Variants in CNTRL observed in about 807,000 individuals in gnomAD.
The protein encoded by CNTRL is centriolin.
Under a neutral mutation model 303.7 loss-of-function variants are expected in CNTRL, and 233 were observed. The ratio of observed to expected loss-of-function variants is 0.77; its 90% CI spans 0.69 to 0.86. The LOEUF (loss-of-function observed/expected upper bound fraction) is 0.86. Among genes scored for constraint, CNTRL ranks in the 40% least tolerant of loss-of-function variants. The probability of loss-of-function intolerance (pLI) is 0.00; values close to 1 mark genes in which losing one functional copy is unlikely to be tolerated. For synonymous variants in CNTRL, 900 were observed against 922.2 expected (o/e 0.98, Z 0.44); for missense variants, 2,524 against 2,650.6 (o/e 0.95, Z 1.05).
At chr9:121,133,254 C>G (rs572643004) in intron 14 of CNTRL, among the ~76,000 whole-genome samples, 1 of 152,368 alleles carries the variant, frequency 6.6e-6, no homozygotes, top group Admixed American at 6.5e-5. Flanking sequence ...AAGGTGGAGT[C>G]TACATGTAGA....
At chr9:121,162,921 A>C (rs1590344) in intron 34 of CNTRL, among the ~76,000 whole-genome samples, 132,413 of 152,158 alleles carry the variant, frequency 0.87, 57,754 homozygotes, top group East Asian at 0.96. Flanking sequence ...GATAAAGATA[A>C]AAAGGCATCT....
intron 12 of CNTRL, 121 bp downstream of exon 12, chr9:121,118,661 G>A: frequency 1.4e-6 from 1 of 727,224 alleles, no homozygotes; most frequent in Non-Finnish European, 2.1e-6. Context: ...AAATTTAAGT[G>A]ATATATACAT....
intron 26 of CNTRL, among the ~76,000 whole-genome samples, chr9:121,154,503 T>C (rs531873768): frequency 6.6e-6 from 1 of 152,384 alleles, no homozygotes. Context: ...CAATTCCATG[T>C]CATGCATTTT....
In CNTRL at chr9:121,125,884, A is replaced by T; in HGVS notation, c.1973A>T (p.Gln658Leu). ...TTGCAGAGATTGACAGAAGTCGAGC[A>T]GGAGAGAGACCAGCTGGAAATAGTT... is the stretch of plus-strand genomic sequence containing the variant. ...TLLQRLTEVE[Q>L]ERDQLEIVAM... is the part of the protein sequence containing the mutation. The change falls in exon 14 of 44, where the codon CAG becomes CTG. Residue 658 changes from glutamine to leucine, a missense_variant. Gln to Leu is a moderately radical substitution (Grantham distance 113). Transcript: ENST00000373855. The T allele has an allele frequency of 1.2e-6, 2 of 1,614,230 alleles. No homozygotes were observed. Among genetic ancestry groups the T allele is most frequent in the Non-Finnish European group, 1.7e-6 (2 of 1,180,026 alleles).
chr9:121,118,924 T>A lies in CNTRL; in HGVS notation c.1650+384T>A, dbSNP rs576682491. ...GTCCATAGGTTAAATACAAATATTA[T>A]GCTATTTTATAGAAGGGACTTGAGC... is the stretch of plus-strand genomic sequence containing the variant. On this transcript the variant is annotated intron_variant, in intron 12 of 43. Transcript: ENST00000373855. Among the ~76,000 whole-genome samples the A allele has an allele frequency of 3.3e-5, 5 of 152,326 alleles. No homozygotes were observed. In the South Asian group the frequency reaches 1.0e-3, roughly 32 times the overall value.
rs2051446375 is a variant in CNTRL at position 121,140,532 on chromosome 9, G to A, written c.2338-109G>A. ...TTTAGAAATTTCTTTTTACTTGAAA[G>A]AGGCATTGTCTGAATTTAGTTCTGT... On this transcript the variant is annotated intron_variant, in intron 16 of 43. Transcript: ENST00000373855. 8 of 907,658 alleles carry A rather than the reference G, an allele frequency of 8.8e-6. No individual in the cohort carries two copies. The East Asian group carries it at 2.4e-4, about 27-fold the overall frequency. 56.2% of individuals were successfully genotyped at this position (907,658 alleles called of 1,614,324 possible). A position where few individuals can be genotyped will look rare whatever the true frequency, so the allele number is the denominator to read the frequency against.
At chr9:121,161,381 CTG>C (rs1233902651) in intron 32 of CNTRL, 2 of 390,876 alleles carry the variant, frequency 5.1e-6, no homozygotes, top group Non-Finnish European at 9.4e-6. Flanking sequence ...AAATCTCAGT[CTG>C]TATTTCAAAG....
rs1202009518 is a variant in CNTRL at position 121,075,003 on chromosome 9, GA to G, written c.-266del. 11 of 455,032 alleles carry G rather than the reference GA, an allele frequency of 2.4e-5. No homozygotes were observed. Among genetic ancestry groups the G allele is most frequent in the Admixed American group, 4.7e-5 (2 of 42,502 alleles). 28.2% of individuals were successfully genotyped at this position (455,032 alleles called of 1,614,324 possible). A position where few individuals can be genotyped will look rare whatever the true frequency, so the allele number is the denominator to read the frequency against. On this transcript the variant is annotated 5_prime_UTR_variant, in exon 1 of 44. Coordinates refer to ENST00000373855, the MANE Select transcript of CNTRL (RefSeq NM_007018.6). The stretch of plus-strand genomic sequence containing the variant: ...GCTGCCGCGCCGCTGGGCCCCTGAG[GA>G]AAGAGCCCGAACTTCTCCCGCTCTA...
chr9:121,088,946 G>A (rs1358892621), intron 3 of CNTRL, among the ~76,000 whole-genome samples: 2 of 152,228 alleles, frequency 1.3e-5, no homozygotes, highest in Admixed American at 6.5e-5. Context: ...ATCTGTGAAT[G>A]GACTGATTTC....
At chr9:121,123,245 A>C (rs1268384281) in intron 12 of CNTRL, among the ~76,000 whole-genome samples, 2 of 152,248 alleles carry the variant, frequency 1.3e-5, no homozygotes, top group African/African-American at 2.4e-5. Flanking sequence ...TTTTCTATAG[A>C]TATATGCCAT....
intron 4 of CNTRL, among the ~76,000 whole-genome samples, chr9:121,091,801 G>A (rs1021661303): frequency 1.8e-4 from 27 of 151,776 alleles, no homozygotes; most frequent in Non-Finnish European, 3.5e-4. Context: ...CCAAGATCGC[G>A]CCATTGTACT....
At position 121,105,828 on chromosome 9, in the gene CNTRL, G is replaced by T. The variant is rs539476415; in HGVS notation, c.809-1974G>T. On this transcript the variant is annotated intron_variant, in intron 7 of 43. Coordinates refer to ENST00000373855, the MANE Select transcript of CNTRL (RefSeq NM_007018.6). ...TGGGGACAGATGCTAGATTATAATG[G>T]CTTGAAGAGTGAATAGGAGAGAGAC... Among the ~76,000 whole-genome samples the T allele has an allele frequency of 9.5e-4, 145 of 152,302 alleles. 1 individual carries two copies. In the South Asian group the frequency reaches 0.029, roughly 31 times the overall value.
intron 23 of CNTRL, among the ~76,000 whole-genome samples, chr9:121,147,892 G>T (rs2051975345): frequency 6.6e-6 from 1 of 152,182 alleles, no homozygotes; most frequent in African/African-American, 2.4e-5. Context: ...ATAAGCCTGA[G>T]CTGGGTGAGG....
chr9:121,157,762 G>A lies in CNTRL; in HGVS notation c.4519G>A (p.Asp1507Asn). Residue 1507 changes from aspartate (D) to asparagine (N), a missense_variant, in exon 29 of 44, where the codon GAT becomes AAT. Physicochemically the swap from Asp to Asn is conservative, Grantham distance 23. Coordinates refer to ENST00000373855, the MANE Select transcript of CNTRL (RefSeq NM_007018.6). ...QLRSLQADAKDLEQHKIKQEE... is the reference protein window; with the variant it reads ...QLRSLQADAKNLEQHKIKQEE... ...TAGATCGCTCCAGGCTGATGCAAAGGATTTGGAGCAGCACAAAATCAAGCA... is the reference window on the plus strand; with the variant it reads ...TAGATCGCTCCAGGCTGATGCAAAGAATTTGGAGCAGCACAAAATCAAGCA... 1 of 1,614,182 alleles carries A rather than the reference G, an allele frequency of 6.2e-7. No homozygotes were observed. The highest frequency in any genetic ancestry group is 2.2e-5 in the East Asian group (1 of 44,894).
At chr9:121,113,978 T>C (rs1431724881) in intron 10 of CNTRL, among the ~76,000 whole-genome samples, 1 of 152,030 alleles carries the variant, frequency 6.6e-6, no homozygotes, top group African/African-American at 2.4e-5. Context: ...AATGAGTAAA[T>C]CCCCTCCTTC....
rs376511215 is a variant in CNTRL at position 121,158,884 on chromosome 9, C to G, written c.4794C>G (p.Val1598=). 6.2e-7 allele frequency: 1 copy of G among 1,613,946 alleles called. No individual in the cohort carries two copies. The highest frequency in any genetic ancestry group is 1.3e-5 in the African/African-American group (1 of 74,880). ...CAAGTCAGCAGCAGGAGATGGCTGTCTTGGACAGGCAGTTAGGGCATAAAA... is the reference window on the plus strand; with the variant it reads ...CAAGTCAGCAGCAGGAGATGGCTGTGTTGGACAGGCAGTTAGGGCATAAAA... ...QVTSQQQEMA[V]LDRQLGHKKE... Residue 1598 remains valine (V), a synonymous_variant, in exon 31 of 44, where the codon GTC becomes GTG. Transcript: ENST00000373855.
At chr9:121,144,718 T>C in intron 20 of CNTRL, 125 bp from the exon 21 acceptor site, 4 of 772,654 alleles carry the variant, frequency 5.2e-6, no homozygotes. Flanking sequence ...GGGGCTTGGA[T>C]GTCCCTTTTC....
intron 7 of CNTRL, 101 bp from the exon 8 acceptor site, chr9:121,107,701 C>A: frequency 1.3e-6 from 1 of 775,030 alleles, no homozygotes; most frequent in South Asian, 2.3e-5. Context: ...ATTGTATTTA[C>A]AATATTTTTA....
Position 121,173,750 on chromosome 9 carries a change from A to G in CNTRL, c.6747+13A>G. ...AGACCGACTCAAGGTTGCCCTTTAA[A>G]ACAAACAAAAAATCAGTATGAGATA... On this transcript the variant is annotated intron_variant, in intron 42 of 43. Coordinates refer to ENST00000373855, the MANE Select transcript of CNTRL (RefSeq NM_007018.6). The G allele has an allele frequency of 6.2e-7, 1 of 1,613,636 alleles. No homozygotes were observed. The highest frequency in any genetic ancestry group is 8.5e-7 in the Non-Finnish European group (1 of 1,179,596).
Sources: allele counts gnomAD v4.1 joint callset (sites outside exome capture counted in the v4.1 genomes callset), GRCh38; gene constraint gnomAD v4.1.1; transcripts MANE v1.5; gene names NCBI Gene and HGNC (gene_info 2026-07-23, HGNC 2026-07-21).